Variants in PBX3 observed in about 807,000 individuals in gnomAD.
PBX3 encodes pre-B-cell leukemia transcription factor 3.
PBX3 carries 14 observed loss-of-function variants against 48.5 expected under a neutral mutation model. That is an observed-to-expected ratio of 0.29 (90% CI 0.19 to 0.45). The LOEUF (loss-of-function observed/expected upper bound fraction) is 0.45. PBX3 is among the 20% of genes least tolerant of loss of function. PBX3 has a pLI of 1.00. For synonymous variants in PBX3, 210 were observed against 200.3 expected (o/e 1.05, Z -0.41); for missense variants, 386 against 546.7 (o/e 0.71, Z 2.93).
Position 125,963,205 on chromosome 9 carries a change from G to A in PBX3, c.1212+104G>A, listed in dbSNP as rs1255355290. On this transcript the variant is annotated intron_variant, in intron 8 of 8. Coordinates refer to ENST00000373489, the MANE Select transcript of PBX3 (RefSeq NM_006195.6). ...ACCTGGCTTCTCATCTTCTTGGCAG[G>A]TAGGGAAGGCAGCGTCTTTGCTGCA... The A allele has an allele frequency of 7.0e-6, 4 of 569,512 alleles. No homozygotes were observed. In the African/African-American group the frequency reaches 7.6e-5, roughly 11 times the overall value. 35.3% of individuals were successfully genotyped at this position (569,512 alleles called of 1,614,324 possible). A position where few individuals can be genotyped will look rare whatever the true frequency, so the allele number is the denominator to read the frequency against.
intron 2 of PBX3, among the ~76,000 whole-genome samples, chr9:125,781,535 A>G (rs1240407600): frequency 7.1e-5 from 5 of 70,768 alleles, no homozygotes; most frequent in East Asian, 8.0e-4. Flanking sequence ...GGTGACCGAG[A>G]GGGAGAGGGG....
rs566339922 is a variant in PBX3 at position 125,858,730 on chromosome 9, A to G, written c.275-56956A>G. 1.4e-4 allele frequency among the ~76,000 whole-genome samples: 20 copies of G among 147,574 alleles called. 1 individual carries two copies. In the South Asian group the frequency reaches 1.7e-3, roughly 13 times the overall value. ...AACCTCCGCCTCCTGGGTTCAAGCT[A>G]TTCTCCTGCCTCAGCCTCCCGAGTA... On this transcript the variant is annotated intron_variant, in intron 2 of 8. Transcript: ENST00000373489.
At chr9:125,961,973 A>T (rs1842438985) in intron 6 of PBX3, 129 bp from the exon 7 acceptor site, 1 of 512,558 alleles carries the variant, frequency 2.0e-6, no homozygotes, top group African/African-American at 1.9e-5. Flanking sequence ...ATCCTCTTAG[A>T]TCTGGAAATG....
chr9:125,953,491 T>C (rs1588335645), intron 5 of PBX3, among the ~76,000 whole-genome samples: 1 of 143,276 alleles, frequency 7.0e-6, no homozygotes, highest in Admixed American at 7.0e-5. Flanking sequence ...AAAAAAAAAG[T>C]AGGACTGTGG....
intron 2 of PBX3, among the ~76,000 whole-genome samples, chr9:125,900,123 C>T (rs1017399358): frequency 3.3e-5 from 5 of 151,402 alleles, no homozygotes; most frequent in Non-Finnish European, 4.4e-5. Flanking sequence ...CAAATAGTGA[C>T]CCGACATGAT....
At chr9:125,782,986 G>A (rs117453056) in intron 2 of PBX3, among the ~76,000 whole-genome samples, 3,759 of 152,078 alleles carry the variant, frequency 0.025, 69 homozygotes, top group Middle Eastern at 0.048. Context: ...TCAAGATTCT[G>A]TTTCTTTCAA....
intron 2 of PBX3, among the ~76,000 whole-genome samples, chr9:125,867,759 T>TACACACACATATATACACAC (rs1390093437): frequency 6.6e-6 from 1 of 151,770 alleles, no homozygotes; most frequent in African/African-American, 2.4e-5. Context: ...TCTCTATATA[T>TACACACACATATATACACAC]ATATACACAC....
At chr9:125,962,669 G>A (rs897148200) in intron 7 of PBX3, among the ~76,000 whole-genome samples, 6 of 152,194 alleles carry the variant, frequency 3.9e-5, no homozygotes, top group African/African-American at 1.4e-4. Context: ...CTAGATGTAT[G>A]TGTATGAGAC....
Position 125,965,837 on chromosome 9 carries a change from G to A in PBX3, c.1219G>A (p.Gly407Arg), listed in dbSNP as rs746089717. The change falls in exon 9 of 9, where the codon GGA becomes AGA. Residue 407 changes from glycine to arginine, a missense_variant. By Grantham distance (125) the Gly-to-Arg change is moderately radical. Around this residue, in one of 4 missense-constraint regions of PBX3, gnomAD observed 127 missense variants for 143.3 expected, o/e 0.89. Coordinates refer to ENST00000373489, the MANE Select transcript of PBX3 (RefSeq NM_006195.6). ...LYSPHNLNAN[G>R]GWQDATTPSS... ...ACTGTGTTTCTCCTTTCAGGCTAATGGAGGCTGGCAGGACGCAACAACTCC... is the reference window on the plus strand; with the variant it reads ...ACTGTGTTTCTCCTTTCAGGCTAATAGAGGCTGGCAGGACGCAACAACTCC... 6.2e-7 allele frequency: 1 copy of A among 1,613,698 alleles called. No individual in the cohort carries two copies. Among genetic ancestry groups the A allele is most frequent in the Non-Finnish European group, 8.5e-7 (1 of 1,179,620 alleles).
At chr9:125,885,624 A>G (rs775430655) in intron 2 of PBX3, among the ~76,000 whole-genome samples, 6 of 152,108 alleles carry the variant, frequency 3.9e-5, no homozygotes, top group African/African-American at 7.2e-5. Flanking sequence ...ATTGCTTCCT[A>G]TTACTCGCGA....
At chr9:125,881,630 A>C (rs1181461157) in intron 2 of PBX3, among the ~76,000 whole-genome samples, 2 of 151,892 alleles carry the variant, frequency 1.3e-5, no homozygotes, top group Non-Finnish European at 2.9e-5. Context: ...TTTAATTATT[A>C]AAAATAGAGA....
At chr9:125,928,566 C>T (rs1044667802) in intron 3 of PBX3, among the ~76,000 whole-genome samples, 4 of 151,600 alleles carry the variant, frequency 2.6e-5, no homozygotes, top group African/African-American at 4.8e-5. Context: ...CCTGGGTTCA[C>T]GCCATTCTCC....
intron 5 of PBX3, among the ~76,000 whole-genome samples, chr9:125,960,446 C>T (rs999613353): frequency 3.7e-4 from 57 of 152,154 alleles, no homozygotes; most frequent in African/African-American, 1.3e-3. Flanking sequence ...CGCTCCCTGC[C>T]GTTTTGGTAT....
intron 5 of PBX3, among the ~76,000 whole-genome samples, chr9:125,938,600 A>G (rs1244302341): frequency 6.6e-6 from 1 of 152,326 alleles, no homozygotes; most frequent in Admixed American, 6.5e-5. Flanking sequence ...ACCTGAGTCT[A>G]ATCACAAGAC....
At chr9:125,881,524 T>C (rs1840381538) in intron 2 of PBX3, among the ~76,000 whole-genome samples, 1 of 152,182 alleles carries the variant, frequency 6.6e-6, no homozygotes, top group Admixed American at 6.5e-5. Context: ...TCACTGGCAA[T>C]ATAATTATAC....
At chr9:125,913,909 T>G (rs1478472957) in intron 2 of PBX3, among the ~76,000 whole-genome samples, 2 of 152,160 alleles carry the variant, frequency 1.3e-5, no homozygotes, top group Admixed American at 6.6e-5. Context: ...CAATTCAAAG[T>G]GCAGCATAAG....
chr9:125,779,245 CTTT>C (rs34221799), intron 2 of PBX3, among the ~76,000 whole-genome samples: 2 of 127,842 alleles, frequency 1.6e-5, no homozygotes, highest in East Asian at 2.2e-4. Flanking sequence ...AACTTTGTTC[CTTT>C]TTTTTTTTTT....
chr9:125,861,248 G>A (rs1473849538), intron 2 of PBX3, among the ~76,000 whole-genome samples: 6 of 152,128 alleles, frequency 3.9e-5, no homozygotes, highest in South Asian at 4.2e-4. Context: ...GCAGTGAGCC[G>A]TGATTGAGCC....
chr9:125,857,511 C>T (rs1333493441), intron 2 of PBX3, among the ~76,000 whole-genome samples: 2 of 152,130 alleles, frequency 1.3e-5, no homozygotes, highest in East Asian at 3.9e-4. Flanking sequence ...ACATATAATC[C>T]CTCTCTCCCA....
Sources: gnomAD v4.1 joint callset for allele counts (sites outside exome capture counted in the v4.1 genomes callset) on GRCh38, gnomAD v4.1.1 for gene constraint, gnomAD v4.1.1 regional missense constraint, MANE v1.5 for transcripts, NCBI Gene and HGNC (gene_info 2026-07-23, HGNC 2026-07-21) for gene names.